SNORC: variants seen among roughly 807,000 people sequenced by gnomAD.
The protein encoded by SNORC is protein SNORC.
In SNORC, 11 loss-of-function variants were observed where a neutral mutation model predicts 9.7. The observed-to-expected ratio is 1.14, with a 90% confidence interval of 0.72 to 1.88. The LOEUF is 1.88. Among genes scored for constraint, SNORC ranks in the 40% most tolerant of loss-of-function variants. SNORC has a pLI of 0.00. For synonymous variants in SNORC, 108 were observed against 88.7 expected (o/e 1.22, Z -1.22); for missense variants, 197 against 173.1 (o/e 1.14, Z -0.77).
At position 232,875,574 on chromosome 2, in the gene SNORC, G is replaced by T. The variant is rs113321658; in HGVS notation, c.74-366G>T. 5.6e-5 allele frequency: 23 copies of T among 407,448 alleles called. 1 individual carries two copies. The East Asian group carries it at 1.6e-3, about 28-fold the overall frequency. 25.2% of individuals were successfully genotyped at this position (407,448 alleles called of 1,614,324 possible). A position where few individuals can be genotyped will look rare whatever the true frequency, so the allele number is the denominator to read the frequency against. ...CTGGCTGGTGAGGATACAGGGCGGG[G>T]GTTATCATGCAGGCGTCTCAGCCTG... is the stretch of plus-strand genomic sequence containing the variant. On this transcript the variant is annotated intron_variant, in intron 1 of 2. Coordinates refer to ENST00000331342, the Ensembl canonical transcript of SNORC.
chr2:232,871,016 C>T (rs1691007271), intron 1 of SNORC, among the ~76,000 whole-genome samples: 1 of 151,826 alleles, frequency 6.6e-6, no homozygotes, highest in African/African-American at 2.4e-5. Flanking sequence ...TCCCAAGGGC[C>T]CTGTGGAGAG....
downstream of SNORC, chr2:232,876,546 G>C (rs79707548): frequency 0.2 from 233,761 of 1,187,838 alleles, 24,436 homozygotes; most frequent in Non-Finnish European, 0.21. The surrounding 1 kb of genome is among the most constrained non-coding windows in gnomAD (Gnocchi z 6.8). Context: ...CCGGAGGCGC[G>C]CCCGAATTCC....
At chr2:232,875,651 A>G in intron 1 of SNORC, 1 of 521,192 alleles carries the variant, frequency 1.9e-6, no homozygotes, top group Non-Finnish European at 3.5e-6. Context: ...GTCCCTGGGT[A>G]CCCCAAATCC....
chr2:232,868,619 A>G (rs1344707644), upstream of SNORC, among the ~76,000 whole-genome samples: 1 of 152,222 alleles, frequency 6.6e-6, no homozygotes, highest in Non-Finnish European at 1.5e-5. Context: ...TATGGGACCT[A>G]CTGAGAACTT....
upstream of SNORC, among the ~76,000 whole-genome samples, chr2:232,868,150 CT>C (rs35855568): frequency 0.4 from 51,573 of 129,684 alleles, 8,520 homozygotes; most frequent in East Asian, 0.5. Flanking sequence ...GTCATTTCAT[CT>C]TTTTTTTTTT....
rs779322861 is a variant in SNORC, at chr2:232,870,404, G to A, written c.63G>A (p.Ala21=). ...TGGTCTCCGGGGTTCTGGCCCCTGC[G>A]GTGCTCACAGGTAAGAGGTGAAGGC... The change falls in exon 1 of 3, where the codon GCG becomes GCA. Residue 21 remains alanine, a synonymous_variant. Transcript: ENST00000331342. 1.1e-5 allele frequency: 17 copies of A among 1,568,990 alleles called. No homozygotes were observed. In the Admixed American group the frequency reaches 1.3e-4, roughly 12 times the overall value.
chr2:232,872,079 C>T (rs1033446549), intron 1 of SNORC, among the ~76,000 whole-genome samples: 2 of 152,224 alleles, frequency 1.3e-5, no homozygotes, highest in African/African-American at 4.8e-5. Context: ...CAGGCCTTCC[C>T]AACCCCGGAG....
chr2:232,873,843 G>T (rs1691118562), intron 1 of SNORC, among the ~76,000 whole-genome samples: 1 of 152,234 alleles, frequency 6.6e-6, no homozygotes, highest in South Asian at 2.1e-4. Flanking sequence ...TCTCAGGGTG[G>T]TCTTCAAGGT....
chr2:232,876,414 C>T (rs1691246055), downstream of SNORC: 4 of 1,469,786 alleles, frequency 2.7e-6, no homozygotes, highest in Non-Finnish European at 3.6e-6. The surrounding 1 kb of genome is among the most constrained non-coding windows in gnomAD (Gnocchi z 6.8). Context: ...CCTCACGCGC[C>T]TGTATGTCCG....
At chr2:232,869,415 ACT>A (rs1690941503), upstream of SNORC, among the ~76,000 whole-genome samples, 1 of 152,142 alleles carries the variant, frequency 6.6e-6, no homozygotes, top group African/African-American at 2.4e-5. Context: ...CGCTGACAGA[ACT>A]CTGAGGGCTC....
At chr2:232,868,617 C>A (rs1428861556), upstream of SNORC, among the ~76,000 whole-genome samples, 1 of 152,196 alleles carries the variant, frequency 6.6e-6, no homozygotes, top group East Asian at 1.9e-4. Context: ...ACTATGGGAC[C>A]TACTGAGAAC....
chr2:232,869,392 G>T (rs1042080544), upstream of SNORC, among the ~76,000 whole-genome samples: 1 of 152,200 alleles, frequency 6.6e-6, no homozygotes, highest in Non-Finnish European at 1.5e-5. Context: ...CCATCAAGGT[G>T]TGAAGTAGGG....
At chr2:232,875,967 C>G in exon 2 of SNORC, 1 of 1,553,566 alleles carries the variant, frequency 6.4e-7, no homozygotes, top group Non-Finnish European at 8.7e-7. Flanking sequence ...CCCGTGCCCA[C>G]GCTGTGGAAC....
At chr2:232,875,660 C>G in intron 1 of SNORC, 2 of 535,620 alleles carry the variant, frequency 3.7e-6, no homozygotes, top group South Asian at 4.9e-5. Context: ...TACCCCAAAT[C>G]CTGCCAACTC....
intron 1 of SNORC, among the ~76,000 whole-genome samples, chr2:232,872,631 A>G (rs759236924): frequency 7.2e-5 from 11 of 151,812 alleles, no homozygotes; most frequent in Non-Finnish European, 1.5e-4. Flanking sequence ...CTCTTTGCCA[A>G]CCTCACTTTC....
Position 232,876,344 on chromosome 2 carries a change from T to C in SNORC, c.354T>C (p.Phe118=), listed in dbSNP as rs1387969891. Reference sequence around the variant, plus strand: ...TCGTGGTCGTCGCGCTGAGAAAGTTTTCTGCCTCCTGAAGCGAATAAAGGG... The same window carrying C: ...TCGTGGTCGTCGCGCTGAGAAAGTTCTCTGCCTCCTGAAGCGAATAAAGGG... Residue 118 remains phenylalanine, a synonymous_variant, in exon 3 of 3, where the codon TTT becomes TTC. Transcript: ENST00000331342. The surrounding 1 kb of genome is among the most constrained non-coding windows in gnomAD (Gnocchi z 6.8). 1.4e-5 allele frequency: 22 copies of C among 1,542,826 alleles called. No individual in the cohort carries two copies. The highest frequency in any genetic ancestry group is 1.9e-5 in the Non-Finnish European group (22 of 1,148,142).
chr2:232,876,266 T>C lies in SNORC; in HGVS notation c.276T>C (p.Ala92=). Reference sequence around the variant, plus strand: ...CCGCAGGGTCGCTGGGGCCCGGCGCTATCGCGGCCATCGTGATCGCCGCCC... The same window carrying C: ...CCGCAGGGTCGCTGGGGCCCGGCGCCATCGCGGCCATCGTGATCGCCGCCC... The change falls in exon 3 of 3, where the codon GCT becomes GCC. Residue 92 remains alanine, a synonymous_variant. Transcript: ENST00000331342. The surrounding 1 kb of genome is among the most constrained non-coding windows in gnomAD (Gnocchi z 6.8). 1 of 1,519,120 alleles carries C rather than the reference T, an allele frequency of 6.6e-7. No homozygotes were observed. Among genetic ancestry groups the C allele is most frequent in the Non-Finnish European group, 8.8e-7 (1 of 1,138,714 alleles). The allele number at this position is 1,519,120 out of a possible 1,614,324, so 94.1% of individuals were successfully genotyped here. A position where few individuals can be genotyped will look rare whatever the true frequency, so the allele number is the denominator to read the frequency against.
chr2:232,876,246 G>C lies in SNORC; in HGVS notation c.257-1G>C, dbSNP rs965209748. The C allele has an allele frequency of 1.3e-6, 2 of 1,503,838 alleles. No homozygotes were observed. The highest frequency in any genetic ancestry group is 2.3e-5 in the Admixed American group (1 of 44,382). 93.2% of individuals were successfully genotyped at this position (1,503,838 alleles called of 1,614,324 possible). A position where few individuals can be genotyped will look rare whatever the true frequency, so the allele number is the denominator to read the frequency against. On this transcript the variant is annotated splice_acceptor_variant, in intron 2 of 2. Transcript: ENST00000331342. LOFTEE classifies it high-confidence loss of function. The surrounding 1 kb of genome is among the most constrained non-coding windows in gnomAD (Gnocchi z 6.8). The stretch of plus-strand genomic sequence containing the variant: ...GTGACATGGTCCTCCGTCCTCCGCA[G>C]GGTCGCTGGGGCCCGGCGCTATCGC...
upstream of SNORC, among the ~76,000 whole-genome samples, chr2:232,866,934 G>A (rs1423636350): frequency 6.6e-6 from 1 of 152,146 alleles, no homozygotes; most frequent in Non-Finnish European, 1.5e-5. Context: ...ATGTTTGTAT[G>A]TTTAGTAGAG....
Sources: allele counts gnomAD v4.1 joint callset (sites outside exome capture counted in the v4.1 genomes callset), GRCh38; gene constraint gnomAD v4.1.1; non-coding constraint Gnocchi (gnomAD v3.1); transcripts MANE v1.5; gene names NCBI Gene and HGNC (gene_info 2026-07-23, HGNC 2026-07-21).